Variants in COL14A1 observed in about 807,000 individuals in gnomAD.
COL14A1 encodes collagen alpha-1(XIV) chain.
In COL14A1, 136 loss-of-function variants were observed where a neutral mutation model predicts 230.3. That is an observed-to-expected ratio of 0.59 (90% CI 0.51 to 0.68). The LOEUF (loss-of-function observed/expected upper bound fraction) is 0.68, where lower values mean the gene tolerates loss of function less well. Ranked by LOEUF, COL14A1 falls within the 30% of genes least tolerant of loss-of-function variation. The pLI, the probability that COL14A1 is intolerant of heterozygous loss-of-function variation, is 0.00. For missense variants in COL14A1, 1,976 were observed against 2,215.8 expected (o/e 0.89, Z 2.17); for synonymous variants, 792 against 784.1 (o/e 1.01, Z -0.17).
At position 120,189,893 on chromosome 8, in the gene COL14A1, A is replaced by G. The variant is rs184917879; in HGVS notation, c.437-6898A>G. On this transcript the variant is annotated intron_variant, in intron 5 of 47. Coordinates refer to ENST00000297848, the MANE Select transcript of COL14A1 (RefSeq NM_021110.4). ...TTAATCCAGTCTATCATTGTTGGACATTTGTGTTGGTTCCAAGTCTTTGCT... is the reference window on the plus strand; with the variant it reads ...TTAATCCAGTCTATCATTGTTGGACGTTTGTGTTGGTTCCAAGTCTTTGCT... Among the ~76,000 whole-genome samples, 706 of 152,076 alleles carry G rather than the reference A, an allele frequency of 4.6e-3. 3 individuals carry two copies. The highest frequency in any genetic ancestry group is 0.016 in the African/African-American group (680 of 41,472).
In COL14A1 at chr8:120,291,608, C is replaced by A. The variant is rs536543841; in HGVS notation, c.4236+1842C>A. ...CAAAAAACCACAAAGAAAGAGAAACCATTCTAGGTATATGAGATTCTGGGC... is the reference window on the plus strand; with the variant it reads ...CAAAAAACCACAAAGAAAGAGAAACAATTCTAGGTATATGAGATTCTGGGC... On this transcript the variant is annotated intron_variant, in intron 34 of 47. Transcript: ENST00000297848. Among the ~76,000 whole-genome samples the A allele has an allele frequency of 3.0e-3, 442 of 147,748 alleles. 1 individual carries two copies. The highest frequency in any genetic ancestry group is 0.01 in the African/African-American group (402 of 40,114).
Position 120,322,729 on chromosome 8 carries a change from G to GTTT in COL14A1, c.4659+6740_4659+6742dup, listed in dbSNP as rs55890516. The stretch of plus-strand genomic sequence containing the variant: ...ATGTCCTTGCAAAGGACATGTTCTT[G>GTTT]TTTTTTTTTTATGGCTGCATAGTAT... On this transcript the variant is annotated intron_variant, in intron 40 of 47. Coordinates refer to ENST00000297848, the MANE Select transcript of COL14A1 (RefSeq NM_021110.4). Among the ~76,000 whole-genome samples the GTTT allele has an allele frequency of 5.3e-3, 791 of 149,730 alleles. 4 individuals are homozygous for GTTT. The highest frequency in any genetic ancestry group is 0.018 in the African/African-American group (752 of 41,072).
intron 14 of COL14A1, among the ~76,000 whole-genome samples, chr8:120,221,291 C>A (rs1817926849): frequency 6.6e-6 from 1 of 152,050 alleles, no homozygotes; most frequent in Non-Finnish European, 1.5e-5. Flanking sequence ...GAGGATAATT[C>A]TCAGAAACAG....
At chr8:120,144,522 TAAAAAG>T (rs1815023188) in intron 1 of COL14A1, among the ~76,000 whole-genome samples, 1 of 152,162 alleles carries the variant, frequency 6.6e-6, no homozygotes, top group Non-Finnish European at 1.5e-5. Flanking sequence ...AAATTCTTAG[TAAAAAG>T]ACAAGAACTT....
chr8:120,199,110 G>C (rs572716986), intron 7 of COL14A1, among the ~76,000 whole-genome samples: 6 of 152,252 alleles, frequency 3.9e-5, no homozygotes, highest in Admixed American at 2.0e-4. Context: ...TAAAGGTTCA[G>C]ATCTGCTTGT....
chr8:120,280,129 T>C (rs1445657967), intron 29 of COL14A1, 30 bp downstream of exon 29: 13 of 1,612,292 alleles, frequency 8.1e-6, no homozygotes, highest in Non-Finnish European at 1.1e-5. Flanking sequence ...TACTTACTCA[T>C]GTTGCTTAAC....
intron 37 of COL14A1, among the ~76,000 whole-genome samples, chr8:120,311,753 G>A (rs1028870924): frequency 6.6e-6 from 1 of 152,080 alleles, no homozygotes; most frequent in South Asian, 2.1e-4. Context: ...GATAAAATGG[G>A]ACCCCCTAGT....
At chr8:120,217,569 T>A (rs1458278601) in intron 14 of COL14A1, among the ~76,000 whole-genome samples, 1 of 152,174 alleles carries the variant, frequency 6.6e-6, no homozygotes, top group East Asian at 1.9e-4. Context: ...TGCATCCTCA[T>A]GAGGGACATT....
intron 33 of COL14A1, among the ~76,000 whole-genome samples, chr8:120,289,176 A>G (rs1157044733): frequency 1.3e-5 from 2 of 152,122 alleles, no homozygotes; most frequent in African/African-American, 4.8e-5. Flanking sequence ...AATTAAATAA[A>G]TATTTTTGAA....
chr8:120,349,363 G>A (rs1822660532), intron 45 of COL14A1, among the ~76,000 whole-genome samples: 1 of 150,918 alleles, frequency 6.6e-6, no homozygotes, highest in Non-Finnish European at 1.5e-5. Context: ...CTCCTCACCA[G>A]CAACAGAACA....
At position 120,212,561 on chromosome 8, in the gene COL14A1, G is replaced by A. The variant is rs114701864; in HGVS notation, c.1581G>A (p.Thr527=). 2.7e-4 allele frequency: 436 copies of A among 1,613,394 alleles called. 1 individual carries two copies. The African/African-American group carries it at 5.2e-3, about 19-fold the overall frequency. Residue 527 remains threonine (T), a synonymous_variant, in exon 13 of 48, where the codon ACG becomes ACA. Transcript: ENST00000297848. ...MFGEEASDPV[T]GQETTLALSP... ...GAGAAGAGGCCAGTGATCCTGTTAC[G>A]GGACAAGAAACAACATGTGAGCAGC... is the stretch of plus-strand genomic sequence containing the variant.
intron 38 of COL14A1, among the ~76,000 whole-genome samples, chr8:120,314,943 C>T (rs16893905): frequency 0.02 from 3,049 of 152,190 alleles, 101 homozygotes; most frequent in African/African-American, 0.069. Flanking sequence ...ATGTTCAAGC[C>T]GCCCTGCATG....
intron 5 of COL14A1, among the ~76,000 whole-genome samples, chr8:120,181,344 A>G (rs1816458665): frequency 6.6e-6 from 1 of 152,236 alleles, no homozygotes; most frequent in Non-Finnish European, 1.5e-5. Context: ...TTTCAATCAT[A>G]TGGAGCATAA....
intron 42 of COL14A1, among the ~76,000 whole-genome samples, chr8:120,339,175 A>G (rs938711825): frequency 2.0e-5 from 3 of 152,190 alleles, no homozygotes; most frequent in Non-Finnish European, 2.9e-5. Flanking sequence ...GGGTTTCACC[A>G]TATTGGTCAG....
At chr8:120,136,367 G>GCACA (rs540230596) in intron 1 of COL14A1, among the ~76,000 whole-genome samples, 3 of 101,476 alleles carry the variant, frequency 3.0e-5, no homozygotes, top group African/African-American at 9.0e-5. Flanking sequence ...TAGATTACAC[G>GCACA]CACACACACA....
At chr8:120,274,553 G>A (rs1819779939) in intron 26 of COL14A1, among the ~76,000 whole-genome samples, 3 of 151,710 alleles carry the variant, frequency 2.0e-5, no homozygotes, top group African/African-American at 7.2e-5. Flanking sequence ...GTGTGCCAAT[G>A]ATATGATCAT....
In COL14A1 at chr8:120,257,946, C is replaced by T. The variant is rs79522085; in HGVS notation, c.2869+2590C>T. Among the ~76,000 whole-genome samples, 369 of 152,238 alleles carry T rather than the reference C, an allele frequency of 2.4e-3. 12 individuals are homozygous for T. The East Asian group carries it at 0.061, about 25-fold the overall frequency. The stretch of plus-strand genomic sequence containing the variant: ...ATGAAGTCTCTACTGTAACCACAAC[C>T]GCTGGTCAACTTTCTTCTCTGGGCT... On this transcript the variant is annotated intron_variant, in intron 23 of 47. Transcript: ENST00000297848.
At position 120,371,367 on chromosome 8, in the gene COL14A1, A is replaced by T; in HGVS notation, c.*136A>T. On this transcript the variant is annotated 3_prime_UTR_variant, in exon 48 of 48. Transcript: ENST00000297848. ...AGCAGCCTAAATCTCCTCCTTGGATAATGTTAATATTATTATTATTATTAA... is the reference window on the plus strand; with the variant it reads ...AGCAGCCTAAATCTCCTCCTTGGATTATGTTAATATTATTATTATTATTAA... The T allele has an allele frequency of 2.4e-6, 1 of 425,062 alleles. No homozygotes were observed. The allele number at this position is 425,062 out of a possible 1,614,324, so 26.3% of individuals were successfully genotyped here.
At chr8:120,230,510 C>T (rs1818234293) in intron 18 of COL14A1, among the ~76,000 whole-genome samples, 1 of 152,042 alleles carries the variant, frequency 6.6e-6, no homozygotes, top group South Asian at 2.1e-4. Context: ...GGTCCTGCTT[C>T]CCTTCCTGGC....
Sources: gnomAD v4.1 joint callset for allele counts (sites outside exome capture counted in the v4.1 genomes callset) on GRCh38, gnomAD v4.1.1 for gene constraint, MANE v1.5 for transcripts, NCBI Gene and HGNC (gene_info 2026-07-23, HGNC 2026-07-21) for gene names.